Variants in PTPRN2 observed in about 807,000 individuals in gnomAD.
PTPRN2 encodes protein tyrosine phosphatase receptor type N2.
In PTPRN2, 74 loss-of-function variants were observed where a neutral mutation model predicts 118.8. The observed-to-expected ratio is 0.62, with a 90% CI of 0.52 to 0.76. PTPRN2 has a LOEUF of 0.76. Ranked by LOEUF, PTPRN2 falls within the 30% of genes least tolerant of loss-of-function variation. The pLI, the probability that PTPRN2 is intolerant of heterozygous loss-of-function variation, is 0.00. For missense variants in PTPRN2, 1,481 were observed against 1,394.4 expected (o/e 1.06, Z -0.99); for synonymous variants, 641 against 608.0 (o/e 1.05, Z -0.80).
intron 2 of PTPRN2, among the ~76,000 whole-genome samples, chr7:158,436,048 TAA>T (rs1171493375): frequency 6.6e-6 from 1 of 152,204 alleles, no homozygotes; most frequent in Non-Finnish European, 1.5e-5. Flanking sequence ...CTTAAAATGT[TAA>T]GAGGGTGGAT....
chr7:157,913,728 G>A (rs553182258), intron 11 of PTPRN2, among the ~76,000 whole-genome samples: 1 of 152,188 alleles, frequency 6.6e-6, no homozygotes, highest in Non-Finnish European at 1.5e-5. Context: ...AAAATAAATT[G>A]CTGGATTTTA....
At chr7:158,197,417 G>A (rs1826290760) in intron 4 of PTPRN2, among the ~76,000 whole-genome samples, 1 of 152,138 alleles carries the variant, frequency 6.6e-6, no homozygotes, top group African/African-American at 2.4e-5. Flanking sequence ...TCCAGGTACT[G>A]TTTCCATGTA....
At chr7:158,485,777 A>C (rs1039883353) in intron 2 of PTPRN2, among the ~76,000 whole-genome samples, 1 of 152,138 alleles carries the variant, frequency 6.6e-6, no homozygotes, top group African/African-American at 2.4e-5. Context: ...AATATGAAGA[A>C]AATAAAAGTC....
At chr7:157,910,569 C>T (rs1333185288) in intron 11 of PTPRN2, among the ~76,000 whole-genome samples, 2 of 152,272 alleles carry the variant, frequency 1.3e-5, no homozygotes, top group African/African-American at 2.4e-5. Flanking sequence ...CACACACGTA[C>T]ACCGTTCTGC....
rs1462378291 is a variant in PTPRN2 at position 157,975,991 on chromosome 7, TTC to T, written c.1724-77256_1724-77255del. 2.6e-5 allele frequency among the ~76,000 whole-genome samples: 4 copies of T among 152,150 alleles called. No homozygotes were observed. The East Asian group carries it at 7.7e-4, about 29-fold the overall frequency. On this transcript the variant is annotated intron_variant, in intron 11 of 22. Coordinates refer to ENST00000389418, the MANE Select transcript of PTPRN2 (RefSeq NM_002847.5). ...CCCATGCGATGTGGAGAGAGGGAAC[TTC>T]TGTCGAGGATGGCAGAGCAGAGCTG...
intron 2 of PTPRN2, among the ~76,000 whole-genome samples, chr7:158,454,595 G>A (rs544440675): frequency 1.3e-5 from 2 of 151,554 alleles, no homozygotes; most frequent in African/African-American, 4.8e-5. Flanking sequence ...TGCTACAGAG[G>A]ACAGACAAGA....
chr7:157,847,303 A>G (rs1452358177), intron 12 of PTPRN2, among the ~76,000 whole-genome samples: 1 of 74,264 alleles, frequency 1.3e-5, no homozygotes, highest in Non-Finnish European at 2.7e-5. Context: ...CTCCCTCACT[A>G]CATCATGTGT....
intron 9 of PTPRN2, among the ~76,000 whole-genome samples, chr7:158,121,343 G>A (rs1484252140): frequency 6.6e-6 from 1 of 152,202 alleles, no homozygotes; most frequent in Non-Finnish European, 1.5e-5. Context: ...AACTCCCTGT[G>A]TGCTTTGATC....
intron 12 of PTPRN2, among the ~76,000 whole-genome samples, chr7:157,769,138 G>A (rs1467104400): frequency 2.0e-5 from 3 of 152,244 alleles, no homozygotes; most frequent in South Asian, 4.2e-4. Flanking sequence ...CCTCCACCGC[G>A]GCCAGCCCAG....
intron 2 of PTPRN2, among the ~76,000 whole-genome samples, chr7:158,419,473 G>A (rs569253084): frequency 1.9e-4 from 18 of 92,876 alleles, no homozygotes; most frequent in African/African-American, 6.7e-4. Flanking sequence ...TCAAGTGCAC[G>A]GGGCCTCGGG....
rs1585102330 is a variant in PTPRN2, at chr7:157,609,236, A to AG, written c.2345-5162dup. ...CGTCTCTACTAAAAATACAAAAATTAGCCAGGCGTGGTGGTGGGCGGCTGT... is the reference window on the plus strand; with the variant it reads ...CGTCTCTACTAAAAATACAAAAATTAGGCCAGGCGTGGTGGTGGGCGGCTGT... On this transcript the variant is annotated intron_variant, in intron 15 of 22. Coordinates refer to ENST00000389418, the MANE Select transcript of PTPRN2 (RefSeq NM_002847.5). The surrounding 1 kb of genome is among the most constrained non-coding windows in gnomAD (Gnocchi z 4.9). Among the ~76,000 whole-genome samples the AG allele has an allele frequency of 1.3e-5, 2 of 152,270 alleles. No homozygotes were observed. The highest frequency in any genetic ancestry group is 3.9e-4 in the East Asian group (2 of 5,174).
chr7:158,218,869 C>A (rs543164774), intron 3 of PTPRN2, among the ~76,000 whole-genome samples: 1 of 152,286 alleles, frequency 6.6e-6, no homozygotes, highest in Admixed American at 6.5e-5. Context: ...GGGTTCAATT[C>A]AACAAGAAGA....
intron 9 of PTPRN2, among the ~76,000 whole-genome samples, chr7:158,131,850 C>T (rs1818343086): frequency 6.6e-6 from 1 of 151,506 alleles, no homozygotes; most frequent in Non-Finnish European, 1.5e-5. Flanking sequence ...CACACACACA[C>T]ACAAATACCT....
chr7:158,175,152 G>A (rs1039089317), intron 5 of PTPRN2, among the ~76,000 whole-genome samples: 2 of 152,174 alleles, frequency 1.3e-5, no homozygotes, highest in African/African-American at 4.8e-5. Context: ...AGCCCAAGTT[G>A]GGACATCTTT....
chr7:158,071,748 A>ATGGTGGAGATGCTCGTGG (rs1811828180), intron 11 of PTPRN2, among the ~76,000 whole-genome samples: 6 of 27,170 alleles, frequency 2.2e-4, no homozygotes, highest in Non-Finnish European at 4.3e-4. Flanking sequence ...GGAGGTGCTC[A>ATGGTGGAGATGCTCGTGG]TGGTGGAGGT....
intron 1 of PTPRN2, among the ~76,000 whole-genome samples, chr7:158,558,224 A>C (rs1178055853): frequency 6.6e-6 from 1 of 152,052 alleles, no homozygotes; most frequent in Non-Finnish European, 1.5e-5. Flanking sequence ...GGCCTCAAGC[A>C]ATCCTCCCAC....
intron 11 of PTPRN2, among the ~76,000 whole-genome samples, chr7:158,051,606 C>T (rs909030947): frequency 3.3e-5 from 5 of 152,228 alleles, no homozygotes; most frequent in African/African-American, 4.8e-5. Context: ...ACATCCATGT[C>T]GTGCTCCCCC....
At chr7:157,963,815 A>C (rs1392695655) in intron 11 of PTPRN2, among the ~76,000 whole-genome samples, 1 of 152,192 alleles carries the variant, frequency 6.6e-6, no homozygotes, top group Non-Finnish European at 1.5e-5. Flanking sequence ...TTTCCAGTCC[A>C]ATGGCCGGGG....
At chr7:157,823,518 T>C (rs1563145380) in intron 12 of PTPRN2, among the ~76,000 whole-genome samples, 2 of 152,248 alleles carry the variant, frequency 1.3e-5, no homozygotes, top group Non-Finnish European at 2.9e-5. Context: ...TTATTCATTC[T>C]TGATGTGGAG....
Sources: gnomAD v4.1 joint callset for allele counts (sites outside exome capture counted in the v4.1 genomes callset) on GRCh38, gnomAD v4.1.1 for gene constraint, Gnocchi (gnomAD v3.1) non-coding constraint, MANE v1.5 for transcripts, NCBI Gene and HGNC (gene_info 2026-07-23, HGNC 2026-07-21) for gene names.